SUGCT: variants seen among roughly 807,000 people sequenced by gnomAD.
The protein encoded by SUGCT is succinyl-CoA:glutarate-CoA transferase, also known as succinyl-CoA:glutarate CoA-transferase.
SUGCT carries 41 observed loss-of-function variants against 55.0 expected under a neutral mutation model. The observed-to-expected ratio is 0.74, with a 90% CI of 0.58 to 0.97. The LOEUF is 0.97. SUGCT is among the 50% of genes least tolerant of loss of function. SUGCT has a pLI of 0.00. For missense variants in SUGCT, 568 were observed against 547.8 expected, an observed-to-expected ratio of 1.04 and a Z score of -0.37; for synonymous variants, 187 against 200.4, an observed-to-expected ratio of 0.93 and a Z score of 0.56.
At chr7:40,988,352 T>C in the SUGCT span, among the ~76,000 whole-genome samples, 1 of 150,794 alleles carries the variant, frequency 6.6e-6, no homozygotes, top group South Asian at 2.1e-4. Flanking sequence ...GGAAAGGAAG[T>C]TGGGCTCCTT....
At chr7:40,965,334 A>G in the SUGCT span, 3 of 152,222 alleles carry the variant, frequency 2.0e-5, no homozygotes, top group South Asian at 2.1e-4. Flanking sequence ...GTTTGCAGCA[A>G]TGTAAGCCTA....
intron 1 of SUGCT, among the ~76,000 whole-genome samples, chr7:40,171,806 TTCAGGC>T (rs1784683587): frequency 6.6e-6 from 1 of 152,236 alleles, no homozygotes; most frequent in Non-Finnish European, 1.5e-5. Context: ...TCTCAGTGTT[TTCAGGC>T]TACGCCCTTG....
chr7:40,838,482 T>C (rs1458210953), intron 13 of SUGCT, among the ~76,000 whole-genome samples: 1 of 152,242 alleles, frequency 6.6e-6, no homozygotes, highest in Non-Finnish European at 1.5e-5. Flanking sequence ...GCTTTGTTAA[T>C]TTTATACCTA....
intron 12 of SUGCT, among the ~76,000 whole-genome samples, chr7:40,746,106 A>C (rs1392069025): frequency 6.6e-6 from 1 of 152,200 alleles, no homozygotes; most frequent in Non-Finnish European, 1.5e-5. Context: ...ATCATGTGGC[A>C]AAGTTAAGTG....
intron 11 of SUGCT, among the ~76,000 whole-genome samples, chr7:40,485,035 A>G (rs1205879907): frequency 6.6e-6 from 1 of 152,166 alleles, no homozygotes; most frequent in Non-Finnish European, 1.5e-5. Flanking sequence ...ACCCCACAGG[A>G]TGTTGGAAGA....
chr7:40,997,851 C>T, the SUGCT span, among the ~76,000 whole-genome samples: 16 of 152,162 alleles, frequency 1.1e-4, no homozygotes, highest in South Asian at 2.1e-4. Context: ...AATCAGTTTT[C>T]TTGGTATTGA....
At chr7:40,662,158 G>A (rs1801359850) in intron 12 of SUGCT, among the ~76,000 whole-genome samples, 1 of 152,198 alleles carries the variant, frequency 6.6e-6, no homozygotes, top group Admixed American at 6.5e-5. Flanking sequence ...ATGTCCTTGA[G>A]GTTTGTGAGA....
At chr7:40,690,372 C>A (rs150641058) in intron 12 of SUGCT, among the ~76,000 whole-genome samples, 1 of 152,120 alleles carries the variant, frequency 6.6e-6, no homozygotes, top group African/African-American at 2.4e-5. Flanking sequence ...TAGATGTACT[C>A]TATAAATCAA....
intron 10 of SUGCT, among the ~76,000 whole-genome samples, chr7:40,458,243 C>CA (rs1180584974): frequency 6.6e-6 from 1 of 152,222 alleles, no homozygotes; most frequent in Non-Finnish European, 1.5e-5. Flanking sequence ...GGCCTGCCCC[C>CA]AGGCTGTAAA....
At chr7:40,960,639 G>A in the SUGCT span, among the ~76,000 whole-genome samples, 7 of 152,172 alleles carry the variant, frequency 4.6e-5, no homozygotes, top group Admixed American at 2.6e-4. Context: ...AACATTATAA[G>A]TATATATTAC....
intron 9 of SUGCT, among the ~76,000 whole-genome samples, chr7:40,326,234 G>A (rs1042208006): frequency 2.0e-5 from 3 of 152,130 alleles, no homozygotes; most frequent in Non-Finnish European, 2.9e-5. Context: ...ATATAGCAGG[G>A]AAAGTTGGGA....
chr7:40,163,619 AAAGC>A (rs1784284553), intron 1 of SUGCT, among the ~76,000 whole-genome samples: 1 of 151,842 alleles, frequency 6.6e-6, no homozygotes, highest in Admixed American at 6.6e-5. Flanking sequence ...AAAAAAAAAA[AAAGC>A]AGGTTATTAT....
intron 12 of SUGCT, among the ~76,000 whole-genome samples, chr7:40,707,841 C>A (rs1449196718): frequency 1.3e-5 from 2 of 152,152 alleles, no homozygotes; most frequent in African/African-American, 2.4e-5. Flanking sequence ...AAAGAATTGA[C>A]TTCTTTTGTT....
intron 11 of SUGCT, among the ~76,000 whole-genome samples, chr7:40,474,600 A>G (rs913580550): frequency 2.0e-5 from 3 of 152,160 alleles, no homozygotes; most frequent in African/African-American, 7.2e-5. Flanking sequence ...AACTGTTTAT[A>G]CTTCCAGTAA....
the SUGCT span, among the ~76,000 whole-genome samples, chr7:40,899,367 C>G: frequency 1.3e-5 from 2 of 152,174 alleles, no homozygotes; most frequent in African/African-American, 4.8e-5. Flanking sequence ...TATAAATACG[C>G]CCTGTGAATG....
chr7:40,712,462 G>A (rs1785777808), intron 12 of SUGCT, among the ~76,000 whole-genome samples: 1 of 152,194 alleles, frequency 6.6e-6, no homozygotes, highest in African/African-American at 2.4e-5. Context: ...TTTGTTATGG[G>A]ATGTTGTGCA....
At chr7:40,217,425 T>C (rs1384797156) in intron 6 of SUGCT, 1 of 448,038 alleles carries the variant, frequency 2.2e-6, no homozygotes, top group East Asian at 7.5e-5. Flanking sequence ...TTGCCCAGGA[T>C]GGTCTTGATC....
At chr7:40,995,382 GTTATTA>G in the SUGCT span, among the ~76,000 whole-genome samples, 291 of 145,580 alleles carry the variant, frequency 2.0e-3, 7 homozygotes, top group South Asian at 0.061. Flanking sequence ...TATAATAGCT[GTTATTA>G]TTATTATTAT....
intron 7 of SUGCT, among the ~76,000 whole-genome samples, chr7:40,264,715 C>G (rs1791446291): frequency 6.6e-6 from 1 of 152,138 alleles, no homozygotes; most frequent in Non-Finnish European, 1.5e-5. Context: ...ATTGTTTCCC[C>G]AAATTTATTT....
Sources: gnomAD v4.1 joint callset for allele counts (sites outside exome capture counted in the v4.1 genomes callset) on GRCh38, gnomAD v4.1.1 for gene constraint, MANE v1.5 for transcripts, NCBI Gene and HGNC (gene_info 2026-07-23, HGNC 2026-07-21) for gene names.